The following CKB variants were observed in gnomAD, a reference collection of about 807,000 sequenced individuals.
CKB encodes the protein creatine kinase B-type.
CKB carries 15 observed loss-of-function variants against 36.9 expected under a neutral mutation model. That is an observed-to-expected ratio of 0.41 (90% confidence interval 0.27 to 0.63). CKB has a LOEUF of 0.63. Among genes scored for constraint, CKB ranks in the 20% least tolerant of loss-of-function variants. The pLI is 0.34. For synonymous variants in CKB, 250 were observed against 228.2 expected (o/e 1.10, Z -0.86); for missense variants, 413 against 534.9 (o/e 0.77, Z 2.25).
At chr14:103,520,669 C>A in intron 5 of CKB, 77 bp from the exon 6 acceptor site, 1 of 1,503,368 alleles carries the variant, frequency 6.7e-7, no homozygotes, top group Non-Finnish European at 8.9e-7. Context: ...CTTCCCAAGT[C>A]CCTGAGGTGC....
Position 103,521,244 on chromosome 14 carries a change from G to A in CKB, c.653+19C>T, listed in dbSNP as rs2075898332. ...GCGGGGAGGGAGGACGCCGCGAGAG[G>A]GCGCAGAGGGACACGCACCAGATAC... is the stretch of plus-strand genomic sequence containing the variant. On this transcript the variant is annotated intron_variant, in intron 5 of 7. Transcript: ENST00000348956. The A allele has an allele frequency of 1.9e-6, 3 of 1,572,696 alleles. No individual in the cohort carries two copies. The highest frequency in any genetic ancestry group is 2.3e-5 in the South Asian group (2 of 88,054).
In CKB at chr14:103,520,061, AG is replaced by A; in HGVS notation, c.968-20del. 1 of 1,608,404 alleles carries A rather than the reference AG, an allele frequency of 6.2e-7. No homozygotes were observed. Among genetic ancestry groups the A allele is most frequent in the Non-Finnish European group, 8.5e-7 (1 of 1,178,758 alleles). On this transcript the variant is annotated intron_variant, in intron 7 of 7. Transcript: ENST00000348956. ...ACACCGCCTGGGGAGACAGCAAGTC[AG>A]GGCGGAGGAAACAGGGCTGCCCAAA...
chr14:103,522,198 C>T lies in CKB; in HGVS notation c.194-21G>A, dbSNP rs773809980. Reference sequence around the variant, plus strand: ...GTGGCCTGGGGGAGGGGGCGCGGGACGGGGACAGTGACGTCACTGCCGGGC... The same window carrying T: ...GTGGCCTGGGGGAGGGGGCGCGGGATGGGGACAGTGACGTCACTGCCGGGC... On this transcript the variant is annotated intron_variant, in intron 2 of 7. Coordinates refer to ENST00000348956, the MANE Select transcript of CKB (RefSeq NM_001823.5). The surrounding 1 kb of genome is among the most constrained non-coding windows in gnomAD (Gnocchi z 6.7). 1.1e-5 allele frequency: 18 copies of T among 1,577,534 alleles called. No individual in the cohort carries two copies. The highest frequency in any genetic ancestry group is 1.4e-5 in the African/African-American group (1 of 72,844).
At position 103,520,219 on chromosome 14, in the gene CKB, C is replaced by G. The variant is rs1394316686; in HGVS notation, c.870G>C (p.Gly290=). The G allele has an allele frequency of 6.2e-7, 1 of 1,613,452 alleles. No individual in the cohort carries two copies. The highest frequency in any genetic ancestry group is 1.3e-5 in the African/African-American group (1 of 74,904). ...GCTTGATATGCACACCTGCCCGCAG[C>G]CCGGTGCCCAGGTTGGATGGGCAGG... The part of the protein sequence containing the change: ...ILTCPSNLGT[G]LRAGVHIKLP... The change falls in exon 7 of 8, where the codon GGG becomes GGC. Residue 290 remains glycine (G), a synonymous_variant. Coordinates refer to ENST00000348956, the MANE Select transcript of CKB (RefSeq NM_001823.5).
chr14:103,522,258 G>T lies in CKB; in HGVS notation c.193+43C>A, dbSNP rs1193941932. The T allele has an allele frequency of 1.3e-6, 2 of 1,576,434 alleles. No homozygotes were observed. Among genetic ancestry groups the T allele is most frequent in the African/African-American group, 1.4e-5 (1 of 73,696 alleles). ...CTGCTGAGGACCCTGCGGCTGCGCG[G>T]GGGGAGGGGGGGCCGGGACCCCGGC... On this transcript the variant is annotated intron_variant, in intron 2 of 7. Transcript: ENST00000348956. The surrounding 1 kb of genome is among the most constrained non-coding windows in gnomAD (Gnocchi z 6.7).
rs1319224421 is a variant in CKB at position 103,522,310 on chromosome 14, C to G, written c.184G>C (p.Asp62His). The G allele has an allele frequency of 3.1e-6, 5 of 1,606,500 alleles. No homozygotes were observed. The highest frequency in any genetic ancestry group is 4.2e-6 in the Non-Finnish European group (5 of 1,178,542). ...TLDDVIQTGV[D>H]NPGHPYIMTV... ...CCGAGGGGTCGCGTACCCGGGTTGTCCACGCCTGTCTGGATGACGTCGTCC... is the reference window on the plus strand; with the variant it reads ...CCGAGGGGTCGCGTACCCGGGTTGTGCACGCCTGTCTGGATGACGTCGTCC... Residue 62 changes from aspartate (D) to histidine (H), a missense_variant, in exon 2 of 8, where the codon GAC becomes CAC. This residue lies in a region of CKB where 25 missense variants were observed against 54.9 expected (regional missense o/e 0.46). Coordinates refer to ENST00000348956, the MANE Select transcript of CKB (RefSeq NM_001823.5). The surrounding 1 kb of genome is among the most constrained non-coding windows in gnomAD (Gnocchi z 6.7).
chr14:103,521,505 C>T (rs575158421), intron 4 of CKB, 71 bp from the exon 5 acceptor site: 1 of 1,341,304 alleles, frequency 7.5e-7, no homozygotes, highest in Non-Finnish European at 9.7e-7. Context: ...GACCCGCCCG[C>T]CCCCGTGCCC....
At chr14:103,521,560 G>A in intron 4 of CKB, 126 bp from the exon 5 acceptor site, 2 of 1,040,012 alleles carry the variant, frequency 1.9e-6, no homozygotes, top group Non-Finnish European at 2.6e-6. Flanking sequence ...GGATCTGCGG[G>A]CGTCCAGTCC....
rs374940153 is a variant in CKB, at chr14:103,522,428, G to A, written c.66C>T (p.Asp22=). The A allele has an allele frequency of 4.5e-5, 72 of 1,610,538 alleles. No individual in the cohort carries two copies. In the African/African-American group the frequency reaches 5.5e-4, roughly 12 times the overall value. ...CCATGTGGTTGTTGTGGGCGCTCAG[G>A]TCGGGGAACTCGTCCTCGGCCGGGA... ...LRFPAEDEFP[D]LSAHNNHMAK... Residue 22 remains aspartate (D), a synonymous_variant, in exon 2 of 8, where the codon GAC becomes GAT. Coordinates refer to ENST00000348956, the MANE Select transcript of CKB (RefSeq NM_001823.5). This position sits in a 1 kb window ranked among gnomAD's most constrained non-coding sequence, Gnocchi z 6.7.
In CKB at chr14:103,520,537, C is replaced by A. The variant is rs758597982; in HGVS notation, c.709G>T (p.Val237Phe). ...TTGCCCCCCTTCTGCATGGAGATGA[C>A]CCGCAGGTGGTCCTCCTCGTTGACC... ...VWVNEEDHLR[V>F]ISMQKGGNMK... The change falls in exon 6 of 8, where the codon GTC becomes TTC. Residue 237 changes from valine (V) to phenylalanine (F), a missense_variant. Physicochemically the swap from Val to Phe is conservative, Grantham distance 50. This residue lies in a region of CKB where 314 missense variants were observed against 409.4 expected (regional missense o/e 0.77). Coordinates refer to ENST00000348956, the MANE Select transcript of CKB (RefSeq NM_001823.5). 1 of 1,612,724 alleles carries A rather than the reference C, an allele frequency of 6.2e-7. No individual in the cohort carries two copies. The highest frequency in any genetic ancestry group is 8.5e-7 in the Non-Finnish European group (1 of 1,179,538).
rs1355007666 is a variant in CKB at position 103,522,205 on chromosome 14, AGT to A, written c.194-30_194-29del. 3.8e-6 allele frequency: 6 copies of A among 1,574,816 alleles called. No individual in the cohort carries two copies. Among genetic ancestry groups the A allele is most frequent in the Non-Finnish European group, 5.2e-6 (6 of 1,160,434 alleles). ...GGGGGAGGGGGCGCGGGACGGGGACAGTGACGTCACTGCCGGGCCCGAGCGCG... is the reference window on the plus strand; with the variant it reads ...GGGGGAGGGGGCGCGGGACGGGGACAGACGTCACTGCCGGGCCCGAGCGCG... On this transcript the variant is annotated intron_variant, in intron 2 of 7. Coordinates refer to ENST00000348956, the MANE Select transcript of CKB (RefSeq NM_001823.5). This position sits in a 1 kb window ranked among gnomAD's most constrained non-coding sequence, Gnocchi z 6.7.
intron 5 of CKB, 132 bp from the exon 6 acceptor site, chr14:103,520,724 A>G: frequency 2.4e-6 from 3 of 1,273,640 alleles, no homozygotes; most frequent in Non-Finnish European, 3.2e-6. Flanking sequence ...CCAAGACTCC[A>G]CCCGCCAACA....
At chr14:103,521,498 C>A (rs558681211) in intron 4 of CKB, 64 bp from the exon 5 acceptor site, 6 of 1,374,676 alleles carry the variant, frequency 4.4e-6, no homozygotes, top group Non-Finnish European at 5.7e-6. Flanking sequence ...CAGCGCGGAC[C>A]CGCCCGCCCC....
intron 4 of CKB, 103 bp downstream of exon 4, chr14:103,521,715 C>A: frequency 8.0e-7 from 1 of 1,243,272 alleles, no homozygotes; most frequent in Non-Finnish European, 1.0e-6. Context: ...GATAAGAGCG[C>A]GACGGCGGCT....
chr14:103,521,735 G>A (rs910172654), intron 4 of CKB, 83 bp downstream of exon 4: 7 of 1,292,680 alleles, frequency 5.4e-6, no homozygotes, highest in African/African-American at 1.6e-5. Context: ...TGCCGCTCCC[G>A]GGCGACGTAA....
chr14:103,519,683 A>T lies in CKB; in HGVS notation c.*181T>A. The stretch of plus-strand genomic sequence containing the variant: ...TCAGACGCAGGCAGGCCAAAACCCT[A>T]GTTTATTTCAGCATCAGCAGTATCT... On this transcript the variant is annotated 3_prime_UTR_variant, in exon 8 of 8. Coordinates refer to ENST00000348956, the MANE Select transcript of CKB (RefSeq NM_001823.5). The T allele has an allele frequency of 1.5e-6, 1 of 677,168 alleles. No individual in the cohort carries two copies. Among genetic ancestry groups the T allele is most frequent in the Non-Finnish European group, 2.3e-6 (1 of 431,972 alleles). The allele number at this position is 677,168 out of a possible 1,614,324, so 41.9% of individuals were successfully genotyped here.
rs2075913750 is a variant in CKB, at chr14:103,522,753, C to A, written c.-13+13G>T. 6.7e-6 allele frequency: 1 copy of A among 150,094 alleles called. No individual in the cohort carries two copies. The highest frequency in any genetic ancestry group is 2.4e-5 in the African/African-American group (1 of 41,124). The allele number at this position is 150,094 out of a possible 1,614,324, so 9.3% of individuals were successfully genotyped here. A position where few individuals can be genotyped will look rare whatever the true frequency, so the allele number is the denominator to read the frequency against. Reference sequence around the variant, plus strand: ...CCCGGGCGCGGACGCCCCCGGCCCCCGGGCCCACTCACCGGGCGGCCGGGC... The same window carrying A: ...CCCGGGCGCGGACGCCCCCGGCCCCAGGGCCCACTCACCGGGCGGCCGGGC... On this transcript the variant is annotated intron_variant, in intron 1 of 7. Transcript: ENST00000348956. The surrounding 1 kb of genome is among the most constrained non-coding windows in gnomAD (Gnocchi z 6.7).
chr14:103,521,382 G>A lies in CKB; in HGVS notation c.534C>T (p.Ser178=), dbSNP rs753209091. The change falls in exon 5 of 8, where the codon AGC becomes AGT. Residue 178 remains serine, a synonymous_variant. Transcript: ENST00000348956. ...GCTGCTGCTGCTCCGCCTCCGTCAT[G>A]CTCTTGAGCGCGTAGTATCGGCCCG... ...DLAGRYYALK[S]MTEAEQQQLI... is the part of the protein sequence containing the mutation. 6.2e-7 allele frequency: 1 copy of A among 1,608,852 alleles called. No individual in the cohort carries two copies. Among genetic ancestry groups the A allele is most frequent in the South Asian group, 1.1e-5 (1 of 90,890 alleles).
In CKB at chr14:103,521,485, C is replaced by T. The variant is rs369278146; in HGVS notation, c.482-51G>A. On this transcript the variant is annotated intron_variant, in intron 4 of 7. Transcript: ENST00000348956. ...CGGCTCCCGCGCCCGCCCCTCCAGC[C>T]CGCAGCGCGGACCCGCCCGCCCCCG... 730 of 1,436,396 alleles carry T rather than the reference C, an allele frequency of 5.1e-4. 12 individuals are homozygous for T. In the East Asian group the frequency reaches 0.011, roughly 21 times the overall value. The allele number at this position is 1,436,396 out of a possible 1,614,324, so 89.0% of individuals were successfully genotyped here. A position where few individuals can be genotyped will look rare whatever the true frequency, so the allele number is the denominator to read the frequency against.
Sources: gnomAD v4.1 joint callset for allele counts on GRCh38, gnomAD v4.1.1 for gene constraint, gnomAD v4.1.1 regional missense constraint, Gnocchi (gnomAD v3.1) non-coding constraint, MANE v1.5 for transcripts, NCBI Gene and HGNC (gene_info 2026-07-23, HGNC 2026-07-21) for gene names.